ESR1: variants seen among roughly 807,000 people sequenced by gnomAD.
The protein encoded by ESR1 is estrogen receptor.
Under a neutral mutation model 52.7 loss-of-function variants are expected in ESR1, and 12 were observed. The observed-to-expected ratio is 0.23, with a 90% CI of 0.15 to 0.37. ESR1 has a LOEUF of 0.37. ESR1 is among the 10% of genes least tolerant of loss of function. The pLI, the probability that ESR1 is intolerant of heterozygous loss-of-function variation, is 1.00. For synonymous variants in ESR1, 305 were observed against 316.8 expected, an observed-to-expected ratio of 0.96 and a Z score of 0.39; for missense variants, 584 against 779.7, an observed-to-expected ratio of 0.75 and a Z score of 2.99.
chr6:152,077,208 G>T (rs1035190651), intron 6 of ESR1, among the ~76,000 whole-genome samples: 10 of 143,358 alleles, frequency 7.0e-5, no homozygotes, highest in African/African-American at 2.8e-4. Context: ...AGGGGCTGAG[G>T]TACCACGGTT....
intron 6 of ESR1, among the ~76,000 whole-genome samples, chr6:152,119,157 T>G (rs1444619846): frequency 6.6e-6 from 1 of 151,444 alleles, no homozygotes; most frequent in East Asian, 1.9e-4. Flanking sequence ...TTTATGTGGT[T>G]TGTCAATTAA....
intron 2 of ESR1, among the ~76,000 whole-genome samples, chr6:151,854,712 T>A (rs1305134708): frequency 1.3e-5 from 2 of 152,224 alleles, no homozygotes; most frequent in African/African-American, 4.8e-5. Flanking sequence ...ATTATGTTTA[T>A]AAATATGAAC....
At chr6:151,942,750 C>T (rs2035219642) in intron 3 of ESR1, among the ~76,000 whole-genome samples, 1 of 151,754 alleles carries the variant, frequency 6.6e-6, no homozygotes, top group African/African-American at 2.4e-5. Flanking sequence ...AGTAATAGAA[C>T]AAGTGATATG....
intron 3 of ESR1, among the ~76,000 whole-genome samples, chr6:151,933,762 T>G (rs930241876): frequency 6.6e-5 from 10 of 152,208 alleles, no homozygotes; most frequent in Non-Finnish European, 1.3e-4. Context: ...TCACAATTGT[T>G]TATCTCTTTC....
At chr6:151,772,081 G>C (rs1185090529) in intron 2 of ESR1, among the ~76,000 whole-genome samples, 5 of 152,180 alleles carry the variant, frequency 3.3e-5, no homozygotes, top group Non-Finnish European at 5.9e-5. Flanking sequence ...ACTAACAAAT[G>C]CAACACGCAA....
chr6:151,773,914 G>A (rs957149537), intron 2 of ESR1, among the ~76,000 whole-genome samples: 17 of 152,140 alleles, frequency 1.1e-4, no homozygotes, highest in African/African-American at 4.1e-4. Context: ...CAATGTTATG[G>A]TGTTCGGTGG....
At chr6:151,920,414 T>C (rs892140402) in intron 3 of ESR1, among the ~76,000 whole-genome samples, 2 of 152,168 alleles carry the variant, frequency 1.3e-5, no homozygotes, top group Non-Finnish European at 2.9e-5. Context: ...TCCTCTATTA[T>C]CGACATCTTA....
intron 2 of ESR1, among the ~76,000 whole-genome samples, chr6:151,774,593 T>C (rs575622177): frequency 6.6e-6 from 1 of 152,344 alleles, no homozygotes; most frequent in East Asian, 1.9e-4. Context: ...GTTATTGCTT[T>C]TGTCCACCAA....
rs9340844 is a variant in ESR1 at position 151,880,489 on chromosome 6, G to A, written c.644-166G>A. Among the ~76,000 whole-genome samples the A allele has an allele frequency of 0.015, 2,282 of 152,170 alleles. 64 individuals carry two copies. The highest frequency in any genetic ancestry group is 0.094 in the East Asian group (487 of 5,168). ...AGCCACCGTGCCCGGCCCATGAGAG[G>A]TTTTGTTTGCACTTCAAGAAGGACA... On this transcript the variant is annotated intron_variant, in intron 2 of 7. Transcript: ENST00000206249.
intron 1 of ESR1, among the ~76,000 whole-genome samples, chr6:151,672,029 C>T (rs1778080965): frequency 6.6e-6 from 1 of 152,088 alleles, no homozygotes; most frequent in Non-Finnish European, 1.5e-5. Context: ...GACAGGTTCT[C>T]CCTATGTTGC....
chr6:152,090,310 T>C (rs2050079554), intron 6 of ESR1, among the ~76,000 whole-genome samples: 1 of 152,222 alleles, frequency 6.6e-6, no homozygotes, highest in Admixed American at 6.5e-5. Flanking sequence ...ACTTGAGGAA[T>C]TTTCTTCACT....
chr6:152,045,061 TG>T (rs2046119012), intron 5 of ESR1, among the ~76,000 whole-genome samples: 1 of 152,110 alleles, frequency 6.6e-6, no homozygotes, highest in Non-Finnish European at 1.5e-5. Context: ...AACTGCCAAG[TG>T]AGAGAGGTAG....
At chr6:152,012,674 T>C (rs1194783292) in intron 5 of ESR1, among the ~76,000 whole-genome samples, 1 of 152,198 alleles carries the variant, frequency 6.6e-6, no homozygotes, top group Non-Finnish European at 1.5e-5. Flanking sequence ...CTTCCCACTC[T>C]CATGTTCAGT....
intron 1 of ESR1, among the ~76,000 whole-genome samples, chr6:151,671,115 A>C (rs1210376268): frequency 2.0e-5 from 3 of 152,158 alleles, no homozygotes; most frequent in African/African-American, 7.2e-5. Context: ...ATTGAGTCAT[A>C]CTTAATTTTA....
At position 152,031,962 on chromosome 6, in the gene ESR1, C is replaced by G. The variant is rs557319960; in HGVS notation, c.1235+20168C>G. On this transcript the variant is annotated intron_variant, in intron 5 of 7. Transcript: ENST00000206249. ...CCACCATGGTCAAGTGGGCTTCATC[C>G]CTGGGATGCAAGGCTGGTTCAACAT... Among the ~76,000 whole-genome samples the G allele has an allele frequency of 7.2e-5, 11 of 152,298 alleles. No homozygotes were observed. In the South Asian group the frequency reaches 1.7e-3, roughly 23 times the overall value.
intron 3 of ESR1, among the ~76,000 whole-genome samples, chr6:151,899,108 G>C (rs1231574673): frequency 7.1e-6 from 1 of 141,188 alleles, no homozygotes; most frequent in Non-Finnish European, 1.5e-5. Context: ...CGGACGGGGC[G>C]GCTGGCCGGG....
intron 1 of ESR1, among the ~76,000 whole-genome samples, chr6:151,808,570 G>A (rs371988119): frequency 6.6e-6 from 1 of 152,128 alleles, no homozygotes; most frequent in African/African-American, 2.4e-5. Context: ...TTCTCTCGCC[G>A]GGCAGCTGAA....
intron 2 of ESR1, among the ~76,000 whole-genome samples, chr6:151,742,650 T>C (rs1481084889): frequency 6.6e-6 from 1 of 152,208 alleles, no homozygotes; most frequent in East Asian, 1.9e-4. Context: ...CTTAGAACAG[T>C]TACTGCCATA....
intron 1 of ESR1, among the ~76,000 whole-genome samples, chr6:151,820,116 C>T (rs1780324708): frequency 6.6e-6 from 1 of 152,076 alleles, no homozygotes; most frequent in Admixed American, 6.5e-5. Flanking sequence ...GATCTTGGTC[C>T]ATTGATATGG....
Sources: gnomAD v4.1 joint callset for allele counts (sites outside exome capture counted in the v4.1 genomes callset) on GRCh38, gnomAD v4.1.1 for gene constraint, MANE v1.5 for transcripts, NCBI Gene and HGNC (gene_info 2026-07-23, HGNC 2026-07-21) for gene names.